ORC4: variants seen among roughly 807,000 people sequenced by gnomAD.
ORC4 encodes the protein origin recognition complex, subunit 4 homolog.
ORC4 carries 55 observed loss-of-function variants against 63.9 expected under a neutral mutation model. That is an observed-to-expected ratio of 0.86 (90% CI 0.69 to 1.08). ORC4 has a LOEUF of 1.08. ORC4 is among the 50% of genes least tolerant of loss of function. ORC4 has a pLI of 0.00. For missense variants in ORC4, 511 were observed against 504.4 expected (o/e 1.01, Z -0.13); for synonymous variants, 150 against 168.5 (o/e 0.89, Z 0.85).
At chr2:147,968,995 ACT>A (rs1188489494) in intron 4 of ORC4, among the ~76,000 whole-genome samples, 1 of 152,078 alleles carries the variant, frequency 6.6e-6, no homozygotes, top group Non-Finnish European at 1.5e-5. Flanking sequence ...CATAGATGGA[ACT>A]GGAAGAAGTT....
At chr2:148,002,471 C>T (rs1240207032) in intron 1 of ORC4, among the ~76,000 whole-genome samples, 1 of 152,130 alleles carries the variant, frequency 6.6e-6, no homozygotes, top group Non-Finnish European at 1.5e-5. Context: ...CTCAAAACTG[C>T]ACAACTATGT....
At chr2:147,938,983 T>C (rs1286924051) in intron 11 of ORC4, among the ~76,000 whole-genome samples, 157 bp downstream of exon 11, 1 of 151,722 alleles carries the variant, frequency 6.6e-6, no homozygotes, top group East Asian at 1.9e-4. Flanking sequence ...TAAATGGGAG[T>C]GATAGTACCT....
intron 11 of ORC4, chr2:147,938,677 G>A: frequency 2.6e-6 from 1 of 388,750 alleles, no homozygotes; most frequent in South Asian, 2.8e-5. Flanking sequence ...ATGGCCCACA[G>A]TAAACAAAAT....
intron 11 of ORC4, chr2:147,938,631 A>C (rs181185373): frequency 8.5e-4 from 398 of 469,408 alleles, no homozygotes; most frequent in Non-Finnish European, 9.9e-4. Flanking sequence ...TAGAAATGTC[A>C]CAAAGATTGG....
intron 1 of ORC4, among the ~76,000 whole-genome samples, chr2:147,994,696 G>A (rs1210599340): frequency 6.6e-6 from 1 of 152,134 alleles, no homozygotes; most frequent in Non-Finnish European, 1.5e-5. Context: ...TCTAAAAATG[G>A]ATCACAGACC....
At chr2:147,954,291 G>C (rs895461641) in intron 7 of ORC4, among the ~76,000 whole-genome samples, 2 of 152,174 alleles carry the variant, frequency 1.3e-5, no homozygotes, top group South Asian at 2.1e-4. Flanking sequence ...ACAGTCGTGT[G>C]TCCCTTAATG....
At chr2:147,952,173 G>A (rs939025433) in intron 8 of ORC4, among the ~76,000 whole-genome samples, 200 bp downstream of exon 8, 3 of 152,060 alleles carry the variant, frequency 2.0e-5, no homozygotes, top group Non-Finnish European at 2.9e-5. Flanking sequence ...CTGGGAGGAG[G>A]GAGGTATTCA....
chr2:147,972,810 T>C lies in ORC4; in HGVS notation c.154A>G (p.Lys52Glu), dbSNP rs748941924. 6.2e-7 allele frequency: 1 copy of C among 1,610,138 alleles called. No homozygotes were observed. The part of the protein sequence containing the change: ...VQYKHLSELL[K>E]RTALHGESNS... The stretch of plus-strand genomic sequence containing the variant: ...CTCTCTCCATGGAGAGCAGTTCTTT[T>C]CAGCAGCTCACTTAAGTGTCTAAAA... Residue 52 changes from lysine (K) to glutamate (E), a missense_variant, in exon 4 of 14, where the codon AAA (lysine) becomes GAA (glutamate). Coordinates refer to ENST00000392857, the MANE Select transcript of ORC4 (RefSeq NM_181741.4).
intron 10 of ORC4, 101 bp downstream of exon 10, chr2:147,943,335 A>T: frequency 1.3e-6 from 1 of 763,036 alleles, no homozygotes; most frequent in Non-Finnish European, 2.3e-6. Context: ...AGGATGGCTT[A>T]AGGCCAGGAG....
At chr2:147,988,398 C>T (rs1156326842) in intron 1 of ORC4, among the ~76,000 whole-genome samples, 5 of 150,456 alleles carry the variant, frequency 3.3e-5, no homozygotes, top group East Asian at 3.9e-4. Flanking sequence ...CTCGCTCTGT[C>T]GCCCTGGTGG....
chr2:147,983,018 C>T (rs4972318), intron 1 of ORC4, among the ~76,000 whole-genome samples: 50,072 of 151,918 alleles, frequency 0.33, 8,514 homozygotes, highest in East Asian at 0.52. Context: ...CAAAGTAAAA[C>T]CATAGTAAGA....
At chr2:147,939,295 T>C in intron 10 of ORC4, 47 bp from the exon 11 acceptor site, 1 of 1,187,868 alleles carries the variant, frequency 8.4e-7, no homozygotes, top group Non-Finnish European at 1.3e-6. Context: ...TACATGGGCA[T>C]TTTGGAGATA....
At chr2:148,016,044 C>G (rs1693262906) in intron 1 of ORC4, among the ~76,000 whole-genome samples, 1 of 152,110 alleles carries the variant, frequency 6.6e-6, no homozygotes, top group African/African-American at 2.4e-5. Context: ...TCAACCATTC[C>G]ACAGTTGTTC....
At chr2:148,014,476 G>A (rs905796505) in intron 1 of ORC4, among the ~76,000 whole-genome samples, 3 of 151,994 alleles carry the variant, frequency 2.0e-5, no homozygotes, top group African/African-American at 7.3e-5. Flanking sequence ...ATTATTCTAG[G>A]ACTCATATAT....
rs1447372473 is a variant in ORC4, at chr2:148,017,604, G to A, written c.-18+3029C>T. ...GGAGAATCACTTGAACTTGGGAGGCGGAGGTTGCAGTGAGCCAAGATCATG... is the reference window on the plus strand; with the variant it reads ...GGAGAATCACTTGAACTTGGGAGGCAGAGGTTGCAGTGAGCCAAGATCATG... On this transcript the variant is annotated intron_variant, in intron 1 of 13. Transcript: ENST00000392857. Among the ~76,000 whole-genome samples, 6 of 152,158 alleles carry A rather than the reference G, an allele frequency of 3.9e-5. No individual in the cohort carries two copies. In the East Asian group the frequency reaches 5.8e-4, roughly 15 times the overall value.
chr2:147,988,213 C>T lies in ORC4; in HGVS notation c.-17-12238G>A, dbSNP rs201218837. Among the ~76,000 whole-genome samples, 12 of 152,092 alleles carry T rather than the reference C, an allele frequency of 7.9e-5. No individual in the cohort carries two copies. The East Asian group carries it at 2.3e-3, about 29-fold the overall frequency. On this transcript the variant is annotated intron_variant, in intron 1 of 13. Transcript: ENST00000392857. ...CAAGTCATGTTACTCAACCCAGACG[C>T]CCTAAGGAAAGGGAAGAGTTCAAGA...
At chr2:147,964,254 A>G (rs76938049) in intron 4 of ORC4, among the ~76,000 whole-genome samples, 2,243 of 152,318 alleles carry the variant, frequency 0.015, 17 homozygotes, top group Non-Finnish European at 0.022. Context: ...AAATTAACAG[A>G]GATACCATAA....
rs1687999936 is a variant in ORC4 at position 147,935,520 on chromosome 2, CT to C, written c.1300del (p.Ser434AlafsTer8). 6.2e-7 allele frequency: 1 copy of C among 1,612,846 alleles called. No homozygotes were observed. Among genetic ancestry groups the C allele is most frequent in the Admixed American group, 1.7e-5 (1 of 59,978 alleles). On this transcript the variant is annotated frameshift_variant, in exon 14 of 14. Coordinates refer to ENST00000392857, the MANE Select transcript of ORC4 (RefSeq NM_181741.4). LOFTEE classifies it high-confidence loss of function. ...AGTCACTGGTTATATTCATAACCAGCTTAGTGAGGATGTTGCCCACTGCCTC... is the reference window on the plus strand; with the variant it reads ...AGTCACTGGTTATATTCATAACCAGCTAGTGAGGATGTTGCCCACTGCCTC... Reference protein sequence around the residue: ...DVRQWATSSLSWL With the variant: ...DVRQWATSSLXWL
chr2:147,992,288 G>C (rs544463423), intron 1 of ORC4, among the ~76,000 whole-genome samples: 5 of 152,070 alleles, frequency 3.3e-5, no homozygotes, highest in African/African-American at 4.8e-5. Context: ...TTAAGAGATG[G>C]GGCTTCCCTC....
Sources: gnomAD v4.1 joint callset for allele counts (sites outside exome capture counted in the v4.1 genomes callset) on GRCh38, gnomAD v4.1.1 for gene constraint, MANE v1.5 for transcripts, NCBI Gene and HGNC (gene_info 2026-07-23, HGNC 2026-07-21) for gene names.